The following C8orf34 variants were observed in gnomAD, a reference collection of about 807,000 sequenced individuals.
The protein encoded by C8orf34 is uncharacterized protein C8orf34.
Under a neutral mutation model 68.3 loss-of-function variants are expected in C8orf34, and 65 were observed. The ratio of observed to expected loss-of-function variants is 0.95; its 90% CI spans 0.78 to 1.17. The LOEUF (loss-of-function observed/expected upper bound fraction) is 1.17, where lower values mean the gene tolerates loss of function less well. C8orf34 is among the 50% of genes most tolerant of loss of function. The pLI, the probability that C8orf34 is intolerant of heterozygous loss-of-function variation, is 0.00. For synonymous variants in C8orf34, 244 were observed against 241.2 expected (o/e 1.01, Z -0.11); for missense variants, 664 against 655.4 (o/e 1.01, Z -0.14).
At chr8:68,435,523 T>A (rs1810627828) in intron 1 of C8orf34, among the ~76,000 whole-genome samples, 1 of 152,192 alleles carries the variant, frequency 6.6e-6, no homozygotes, top group South Asian at 2.1e-4. Flanking sequence ...GGTGTCTTTG[T>A]GGAACCCTCA....
At chr8:68,780,891 G>A (rs1200783791) in intron 11 of C8orf34, among the ~76,000 whole-genome samples, 1 of 152,204 alleles carries the variant, frequency 6.6e-6, no homozygotes, top group Non-Finnish European at 1.5e-5. Context: ...TAACGGAAGT[G>A]ATTTTTAACG....
chr8:68,724,325 G>A (rs1385308243), intron 10 of C8orf34, among the ~76,000 whole-genome samples: 1 of 152,038 alleles, frequency 6.6e-6, no homozygotes, highest in Admixed American at 6.6e-5. Flanking sequence ...ATACTTCAAA[G>A]CAAATTTTGA....
Position 68,473,970 on chromosome 8 carries a change from A to G in C8orf34, c.736+5150A>G, listed in dbSNP as rs186492133. Among the ~76,000 whole-genome samples the G allele has an allele frequency of 2.2e-3, 335 of 152,244 alleles. 3 individuals carry two copies. The highest frequency in any genetic ancestry group is 7.7e-4 in the East Asian group (4 of 5,170). Reference sequence around the variant, plus strand: ...TCCATCCTCTTTGGATGCCCTTTGCATCACTTCCTGTAGGCCTCATTCAGG... The same window carrying G: ...TCCATCCTCTTTGGATGCCCTTTGCGTCACTTCCTGTAGGCCTCATTCAGG... On this transcript the variant is annotated intron_variant, in intron 4 of 13. Coordinates refer to ENST00000518698, the MANE Select transcript of C8orf34 (RefSeq NM_052958.4).
At chr8:68,433,588 C>G (rs1810536035) in intron 1 of C8orf34, among the ~76,000 whole-genome samples, 1 of 152,176 alleles carries the variant, frequency 6.6e-6, no homozygotes, top group African/African-American at 2.4e-5. Flanking sequence ...GAGTGCCATG[C>G]TGGGTGTGTG....
chr8:68,384,994 CG>C (rs1808200280), intron 1 of C8orf34, among the ~76,000 whole-genome samples: 1 of 151,850 alleles, frequency 6.6e-6, no homozygotes, highest in Admixed American at 6.6e-5. Context: ...AACGAAGGAA[CG>C]AAAAAAATAT....
At position 68,533,037 on chromosome 8, in the gene C8orf34, G is replaced by A. The variant is rs1815313533; in HGVS notation, c.993G>A (p.Lys331=). 5.6e-6 allele frequency: 9 copies of A among 1,610,916 alleles called. No individual in the cohort carries two copies. Among genetic ancestry groups the A allele is most frequent in the Non-Finnish European group, 6.8e-6 (8 of 1,177,556 alleles). ...TAAAACAGCAGCAACAGCAACATAAGAAACTCCTGGCCGCAATGCTCTCTC... is the reference window on the plus strand; with the variant it reads ...TAAAACAGCAGCAACAGCAACATAAAAAACTCCTGGCCGCAATGCTCTCTC... ...KGLKQQQQQH[K]KLLAAMLSQD... is the part of the protein sequence containing the mutation. The change falls in exon 7 of 14, where the codon AAG becomes AAA. Residue 331 remains lysine, a synonymous_variant. Transcript: ENST00000518698.
intron 2 of C8orf34, among the ~76,000 whole-genome samples, chr8:68,442,641 C>T (rs1337891139): frequency 1.3e-5 from 2 of 152,068 alleles, no homozygotes; most frequent in East Asian, 1.9e-4. Flanking sequence ...AGGATACAAG[C>T]TGTGCTGAGA....
chr8:68,547,830 T>C (rs1586357072), intron 7 of C8orf34, among the ~76,000 whole-genome samples: 1 of 151,736 alleles, frequency 6.6e-6, no homozygotes, highest in Non-Finnish European at 1.5e-5. Flanking sequence ...ATCAAGACAA[T>C]GTGGTATTGA....
intron 12 of C8orf34, among the ~76,000 whole-genome samples, chr8:68,803,956 T>C (rs886961915): frequency 2.6e-5 from 4 of 152,208 alleles, no homozygotes; most frequent in African/African-American, 9.6e-5. Context: ...TGAACACTTA[T>C]TACAAACATT....
intron 3 of C8orf34, among the ~76,000 whole-genome samples, chr8:68,467,868 T>C (rs1812215920): frequency 6.6e-6 from 1 of 151,992 alleles, no homozygotes; most frequent in Non-Finnish European, 1.5e-5. Flanking sequence ...TGATTTGCTA[T>C]TTTTGCCCCT....
chr8:68,497,276 G>A (rs1813564617), intron 5 of C8orf34, among the ~76,000 whole-genome samples: 1 of 152,136 alleles, frequency 6.6e-6, no homozygotes, highest in South Asian at 2.1e-4. Flanking sequence ...ATAAAAAGAT[G>A]CTCAGCTTTG....
chr8:68,521,934 T>C lies in C8orf34; in HGVS notation c.901T>C (p.Trp301Arg), dbSNP rs1039459023. ...PPIPRSKNDQ[W>R]ESEDSGSSPA... ...AATTCCAAGAAGCAAAAATGACCAA[T>C]GGGAAAGTGAAGATAGTGGCTCTAG... Residue 301 changes from tryptophan to arginine, a missense_variant, in exon 6 of 14, where the codon TGG becomes CGG. Transcript: ENST00000518698. 2 of 1,613,860 alleles carry C rather than the reference T, an allele frequency of 1.2e-6. No homozygotes were observed. The highest frequency in any genetic ancestry group is 2.7e-5 in the African/African-American group (2 of 74,976).
chr8:68,505,604 G>C lies in C8orf34; in HGVS notation c.766-16195G>C, dbSNP rs111618643. 1.5e-5 allele frequency among the ~76,000 whole-genome samples: 2 copies of C among 133,028 alleles called. 1 individual carries two copies. The highest frequency in any genetic ancestry group is 3.0e-5 in the Non-Finnish European group (2 of 66,204). The allele number at this position is 133,028 out of a possible 152,430, so 87.3% of individuals were successfully genotyped here. On this transcript the variant is annotated intron_variant, in intron 5 of 13. Transcript: ENST00000518698. ...AAATTAGCCGGGCGCGGTGGCGGGC[G>C]CCTGTAGTCCCAGCTACTCGGGAGG...
chr8:68,671,222 C>A (rs1819998016), intron 8 of C8orf34, among the ~76,000 whole-genome samples: 1 of 152,084 alleles, frequency 6.6e-6, no homozygotes, highest in Non-Finnish European at 1.5e-5. Flanking sequence ...CCTTTTGAAT[C>A]CACATATTTT....
chr8:68,477,604 C>T (rs1812677030), intron 4 of C8orf34, among the ~76,000 whole-genome samples: 1 of 152,208 alleles, frequency 6.6e-6, no homozygotes, highest in African/African-American at 2.4e-5. Context: ...TCAATGCCAG[C>T]CATGAAGGAG....
intron 10 of C8orf34, among the ~76,000 whole-genome samples, chr8:68,771,886 T>A (rs530688174): frequency 1.3e-5 from 2 of 152,236 alleles, no homozygotes; most frequent in Non-Finnish European, 2.9e-5. Context: ...CACTTGTATA[T>A]GTTTTTTCAA....
intron 1 of C8orf34, among the ~76,000 whole-genome samples, chr8:68,381,835 T>G (rs1174982955): frequency 6.6e-6 from 1 of 151,794 alleles, no homozygotes; most frequent in Non-Finnish European, 1.5e-5. Flanking sequence ...TTAAAATGAC[T>G]TAAATACCTA....
intron 1 of C8orf34, among the ~76,000 whole-genome samples, chr8:68,436,803 C>T (rs890346789): frequency 6.6e-6 from 1 of 152,180 alleles, no homozygotes; most frequent in African/African-American, 2.4e-5. Context: ...CTCACCTTTC[C>T]AAATCTATCA....
At chr8:68,785,205 G>GA (rs796514071) in intron 11 of C8orf34, among the ~76,000 whole-genome samples, 45 of 145,756 alleles carry the variant, frequency 3.1e-4, no homozygotes, top group African/African-American at 7.8e-4. Context: ...GTCTGTCTCA[G>GA]AAAAAAAAAA....
Sources: gnomAD v4.1 joint callset for allele counts (sites outside exome capture counted in the v4.1 genomes callset) on GRCh38, gnomAD v4.1.1 for gene constraint, MANE v1.5 for transcripts, NCBI Gene and HGNC (gene_info 2026-07-23, HGNC 2026-07-21) for gene names.